Variants in SYK observed in about 807,000 individuals in gnomAD.
SYK encodes spleen associated tyrosine kinase.
In SYK, 16 loss-of-function variants were observed where a neutral mutation model predicts 77.8. The observed-to-expected ratio is 0.21, with a 90% confidence interval of 0.14 to 0.31. The LOEUF (loss-of-function observed/expected upper bound fraction) is 0.31, where lower values mean the gene tolerates loss of function less well. SYK is among the 10% of genes least tolerant of loss of function. The pLI, the probability that SYK is intolerant of heterozygous loss-of-function variation, is 1.00. For missense variants in SYK, 529 were observed against 814.4 expected, an observed-to-expected ratio of 0.65 and a Z score of 4.26; for synonymous variants, 312 against 308.7, an observed-to-expected ratio of 1.01 and a Z score of -0.11.
Position 90,804,030 on chromosome 9 carries a change from G to A in SYK, c.-42+2137G>A, listed in dbSNP as rs560820214. Among the ~76,000 whole-genome samples the A allele has an allele frequency of 6.0e-5, 9 of 150,868 alleles. No homozygotes were observed. In the East Asian group the frequency reaches 1.8e-3, roughly 30 times the overall value. On this transcript the variant is annotated intron_variant, in intron 1 of 13. Transcript: ENST00000375754. ...CTAAGACTTACCAAAAAAAAAAAAA[G>A]TGTTGTTTTTCAGAGCTTTTTAGAG...
At chr9:90,811,595 G>C (rs1260955523) in intron 1 of SYK, among the ~76,000 whole-genome samples, 1 of 152,144 alleles carries the variant, frequency 6.6e-6, no homozygotes, top group Non-Finnish European at 1.5e-5. Context: ...GAAAAAGCAA[G>C]ATGTAACATA....
At chr9:90,826,229 G>A (rs1460251602) in intron 1 of SYK, among the ~76,000 whole-genome samples, 1 of 152,244 alleles carries the variant, frequency 6.6e-6, no homozygotes, top group Admixed American at 6.5e-5. Flanking sequence ...CACATACTGT[G>A]TGTTCTTCAG....
chr9:90,841,650 TTAGTA>T (rs1826352152), intron 1 of SYK, among the ~76,000 whole-genome samples: 1 of 150,064 alleles, frequency 6.7e-6, no homozygotes, highest in African/African-American at 2.5e-5. Context: ...TAGCATGTGT[TTAGTA>T]TGGTGTGTGG....
chr9:90,892,550 GAGGAAACACAACA>G, intron 13 of SYK, among the ~76,000 whole-genome samples: 1 of 152,340 alleles, frequency 6.6e-6, no homozygotes, highest in East Asian at 1.9e-4. Flanking sequence ...ACTTTCCAAA[GAGGAAACACAACA>G]TCAGAGTCCT....
upstream of SYK, chr9:90,801,793 G>A (rs914754174): frequency 6.6e-5 from 10 of 152,260 alleles, no homozygotes; most frequent in Non-Finnish European, 1.2e-4. Flanking sequence ...AAATGAGGAA[G>A]AGCCGCGGGC....
intron 7 of SYK, among the ~76,000 whole-genome samples, chr9:90,868,704 A>G (rs2118836633): frequency 6.6e-6 from 1 of 152,282 alleles, no homozygotes. Context: ...GCTTGATAAC[A>G]CTGTAGTAAA....
In SYK at chr9:90,844,327, C is replaced by T. The variant is rs963109544; in HGVS notation, c.417+12C>T. ...CATGGAACCTGCAGGTGGGCCACAGCTGGTCCTGCTCCCTGGGCCCAGGGG... is the reference window on the plus strand; with the variant it reads ...CATGGAACCTGCAGGTGGGCCACAGTTGGTCCTGCTCCCTGGGCCCAGGGG... On this transcript the variant is annotated intron_variant, in intron 2 of 13. Transcript: ENST00000375754. The T allele has an allele frequency of 5.1e-6, 8 of 1,583,274 alleles. No individual in the cohort carries two copies. The Admixed American group carries it at 7.0e-5, about 14-fold the overall frequency.
intron 1 of SYK, 148 bp from the exon 2 acceptor site, chr9:90,843,710 A>G: frequency 2.0e-6 from 1 of 493,546 alleles, no homozygotes; most frequent in Non-Finnish European, 3.4e-6. Flanking sequence ...CAGAAAGACA[A>G]CTGTGTGTTG....
intron 10 of SYK, among the ~76,000 whole-genome samples, chr9:90,878,353 C>A (rs547232229): frequency 6.6e-6 from 1 of 152,190 alleles, no homozygotes; most frequent in Non-Finnish European, 1.5e-5. Context: ...TGCTGTGCTA[C>A]GTTTGTACTT....
chr9:90,825,739 C>G (rs1478135219), intron 1 of SYK, among the ~76,000 whole-genome samples: 1 of 152,126 alleles, frequency 6.6e-6, no homozygotes, highest in Non-Finnish European at 1.5e-5. Flanking sequence ...GCCAGAGCTA[C>G]TCAAAAGAGA....
intron 11 of SYK, among the ~76,000 whole-genome samples, chr9:90,881,402 G>T (rs1407890869): frequency 1.3e-5 from 2 of 152,100 alleles, no homozygotes; most frequent in African/African-American, 2.4e-5. Flanking sequence ...AAAGTGGGCC[G>T]GGCGTGGTGG....
chr9:90,870,732 T>C (rs1311505239), intron 7 of SYK, among the ~76,000 whole-genome samples: 1 of 152,134 alleles, frequency 6.6e-6, no homozygotes, highest in African/African-American at 2.4e-5. Context: ...TGAACCAGGG[T>C]AATTCCACCA....
chr9:90,805,815 A>G (rs1308172540), intron 1 of SYK, among the ~76,000 whole-genome samples: 1 of 152,160 alleles, frequency 6.6e-6, no homozygotes, highest in Admixed American at 6.5e-5. Context: ...CATTCTGCCC[A>G]TCCTTTGGTA....
intron 7 of SYK, among the ~76,000 whole-genome samples, chr9:90,871,844 A>C (rs1827738454): frequency 6.6e-6 from 1 of 152,172 alleles, no homozygotes; most frequent in African/African-American, 2.4e-5. Context: ...AAAGGCTTAT[A>C]ATCACATAGT....
Position 90,888,539 on chromosome 9 carries a change from G to T in SYK, c.1747G>T (p.Ala583Ser). 1 of 1,611,802 alleles carries T rather than the reference G, an allele frequency of 6.2e-7. No individual in the cohort carries two copies. The highest frequency in any genetic ancestry group is 8.5e-7 in the Non-Finnish European group (1 of 1,179,290). Residue 583 changes from alanine to serine, a missense_variant, in exon 13 of 14, where the codon GCT (alanine) becomes TCT (serine). Ala to Ser is a moderately conservative substitution (Grantham distance 99). Around this residue, in one of 2 missense-constraint regions of SYK, gnomAD observed 208 missense variants for 381.3 expected, o/e 0.55. Coordinates refer to ENST00000375754, the MANE Select transcript of SYK (RefSeq NM_003177.7). The part of the protein sequence containing the change: ...YRGMKGSEVT[A>S]MLEKGERMGC... Reference sequence around the variant, plus strand: ...GGGGATGAAAGGAAGTGAAGTCACCGCTATGTTAGAGAAAGGAGAGCGGAT... The same window carrying T: ...GGGGATGAAAGGAAGTGAAGTCACCTCTATGTTAGAGAAAGGAGAGCGGAT...
chr9:90,802,293 C>T (rs553872488), intron 1 of SYK, among the ~76,000 whole-genome samples: 1 of 152,292 alleles, frequency 6.6e-6, no homozygotes, highest in South Asian at 2.1e-4. Context: ...TTTCCTTTGG[C>T]CATTTACACG....
chr9:90,866,143 C>A (rs1023676632), intron 6 of SYK, among the ~76,000 whole-genome samples: 4 of 152,198 alleles, frequency 2.6e-5, no homozygotes, highest in African/African-American at 9.6e-5. Flanking sequence ...TCGTGATCTG[C>A]CCGCCTCGGC....
chr9:90,809,809 C>G (rs1488713215), intron 1 of SYK, among the ~76,000 whole-genome samples: 1 of 152,130 alleles, frequency 6.6e-6, no homozygotes, highest in Non-Finnish European at 1.5e-5. Context: ...GTGGCTGTCC[C>G]CCTACGGGGC....
chr9:90,892,844 T>C (rs1324916828), intron 13 of SYK, among the ~76,000 whole-genome samples: 1 of 152,246 alleles, frequency 6.6e-6, no homozygotes, highest in Non-Finnish European at 1.5e-5. Context: ...CCAGGTTCTC[T>C]GAGAGTCAGG....
Sources: allele counts gnomAD v4.1 joint callset (sites outside exome capture counted in the v4.1 genomes callset), GRCh38; gene constraint gnomAD v4.1.1; regional missense constraint gnomAD v4.1.1; transcripts MANE v1.5; gene names NCBI Gene and HGNC (gene_info 2026-07-23, HGNC 2026-07-21).